The following MAP3K6 variants were observed in gnomAD, a reference collection of about 807,000 sequenced individuals.
MAP3K6 encodes mitogen-activated protein kinase kinase kinase 6, also known as apoptosis signal-regulating kinase 2.
In MAP3K6, 105 loss-of-function variants were observed where a neutral mutation model predicts 147.1. The ratio of observed to expected loss-of-function variants is 0.71; its 90% confidence interval spans 0.61 to 0.84. The LOEUF (loss-of-function observed/expected upper bound fraction) is 0.84, where lower values mean the gene tolerates loss of function less well. Ranked by LOEUF, MAP3K6 falls within the 40% of genes least tolerant of loss-of-function variation. MAP3K6 has a pLI of 0.00. For synonymous variants in MAP3K6, 695 were observed against 732.4 expected (o/e 0.95, Z 0.82); for missense variants, 1,569 against 1,715.0 (o/e 0.91, Z 1.50).
Position 27,364,849 on chromosome 1 carries a change from A to C in MAP3K6, c.404T>G (p.Val135Gly). The stretch of plus-strand genomic sequence containing the variant: ...GTTGGTCATGCTGAAGCTCTCACGC[A>C]CACCAAGGTGGTAGAACAGGGAGGG... ...VQPSLFYHLG[V>G]RESFSMTNNV... The change falls in exon 2 of 29, where the codon GTG becomes GGG. Residue 135 changes from valine to glycine, a missense_variant. Physicochemically the swap from Val to Gly is moderately radical, Grantham distance 109 (BLOSUM62 -3). Coordinates refer to ENST00000357582, the MANE Select transcript of MAP3K6 (RefSeq NM_004672.5). This position sits in a 1 kb window ranked among gnomAD's most constrained non-coding sequence, Gnocchi z 4.4. 1 of 1,612,574 alleles carries C rather than the reference A, an allele frequency of 6.2e-7. No homozygotes were observed. The highest frequency in any genetic ancestry group is 8.5e-7 in the Non-Finnish European group (1 of 1,178,854).
rs1450558439 is a variant in MAP3K6, at chr1:27,355,385, C to G, written c.*6G>C. On this transcript the variant is annotated 3_prime_UTR_variant, in exon 29 of 29. Coordinates refer to ENST00000357582, the MANE Select transcript of MAP3K6 (RefSeq NM_004672.5). ...CTGTCTGGCCTATGATGCCCTCATT[C>G]AGCTCTCAGGGTCCAGAGGTGACTG... The G allele has an allele frequency of 7.4e-6, 12 of 1,613,756 alleles. No individual in the cohort carries two copies. Among genetic ancestry groups the G allele is most frequent in the Non-Finnish European group, 8.5e-6 (10 of 1,179,632 alleles).
chr1:27,363,009 A>G lies in MAP3K6; in HGVS notation c.984T>C (p.Pro328=), dbSNP rs774702964. The G allele has an allele frequency of 5.4e-5, 87 of 1,613,334 alleles. No individual in the cohort carries two copies. The highest frequency in any genetic ancestry group is 7.1e-5 in the Non-Finnish European group (84 of 1,179,828). The change falls in exon 7 of 29, where the codon CCT becomes CCC. Residue 328 remains proline, a synonymous_variant. Coordinates refer to ENST00000357582, the MANE Select transcript of MAP3K6 (RefSeq NM_004672.5). ...CAGACAGGGCCTTCGCCCGGTCCCC[A>G]GGCCTGTTCCTCCTAGGGAAAAGAT... ...YTFALNRRNR[P]GDRAKALSVL...
Position 27,356,094 on chromosome 1 carries a change from G to C in MAP3K6, c.3643C>G (p.Leu1215Val). Residue 1215 changes from leucine to valine, a missense_variant, in exon 27 of 29, where the codon CTT becomes GTT. Coordinates refer to ENST00000357582, the MANE Select transcript of MAP3K6 (RefSeq NM_004672.5). ...TGCACCAGGCCCTGGTCCGTTGAAA[G>C]AGCAGCTGTCAAGAAGCAGTCAGGT... is the stretch of plus-strand genomic sequence containing the variant. ...YVLAPEPPTA[L>V]STDQGLVQWL... 6.2e-7 allele frequency: 1 copy of C among 1,613,938 alleles called. No individual in the cohort carries two copies. The highest frequency in any genetic ancestry group is 1.1e-5 in the South Asian group (1 of 91,074).
At chr1:27,365,943 C>T (rs1173886228) in intron 1 of MAP3K6, among the ~76,000 whole-genome samples, 1 of 151,904 alleles carries the variant, frequency 6.6e-6, no homozygotes, top group Non-Finnish European at 1.5e-5. Context: ...CCGCCCCGCC[C>T]CAGAGTTCCA....
At position 27,360,001 on chromosome 1, in the gene MAP3K6, G is replaced by T; in HGVS notation, c.2183-7C>A. 4 of 1,613,874 alleles carry T rather than the reference G, an allele frequency of 2.5e-6. No individual in the cohort carries two copies. The highest frequency in any genetic ancestry group is 3.4e-6 in the Non-Finnish European group (4 of 1,179,946). ...AGCAAGGAGGACAGGCTGCCTGGGT[G>T]GGGACAGTCCAAGTTCATTCTTCCC... On this transcript the variant is annotated splice_polypyrimidine_tract_variant and splice_region_variant and intron_variant, in intron 16 of 28. Transcript: ENST00000357582. This position sits in a 1 kb window ranked among gnomAD's most constrained non-coding sequence, Gnocchi z 4.5.
Position 27,360,488 on chromosome 1 carries a change from C to G in MAP3K6, c.2055-120G>C. 9.8e-7 allele frequency: 1 copy of G among 1,022,686 alleles called. No homozygotes were observed. The highest frequency in any genetic ancestry group is 1.3e-6 in the Non-Finnish European group (1 of 767,836). 63.4% of individuals were successfully genotyped at this position (1,022,686 alleles called of 1,614,324 possible). The stretch of plus-strand genomic sequence containing the variant: ...CCGCCCACAAGCCCTCTCCGACCTT[C>G]CCCACCCTTACTACCCTGCCCACAG... On this transcript the variant is annotated intron_variant, in intron 15 of 28. Transcript: ENST00000357582. The surrounding 1 kb of genome is among the most constrained non-coding windows in gnomAD (Gnocchi z 4.5).
chr1:27,361,026 C>G lies in MAP3K6; in HGVS notation c.1833-18G>C, dbSNP rs2015741221. On this transcript the variant is annotated intron_variant, in intron 13 of 28. Coordinates refer to ENST00000357582, the MANE Select transcript of MAP3K6 (RefSeq NM_004672.5). ...CGCAGAACCTGAAGGTGGGGGAGGT[C>G]AGACCCGCGGGAGGGGCATCTTGGT... 1 of 1,562,028 alleles carries G rather than the reference C, an allele frequency of 6.4e-7. No individual in the cohort carries two copies. Among genetic ancestry groups the G allele is most frequent in the African/African-American group, 1.4e-5 (1 of 73,508 alleles).
rs896787004 is a variant in MAP3K6 at position 27,366,156 on chromosome 1, G to C, written c.340+102C>G. ...AGCTCACTTTAAGTCCCCTAGACCC[G>C]GTACCCCTCTCGGCCCCTCCCTTGA... On this transcript the variant is annotated intron_variant, in intron 1 of 28. Transcript: ENST00000357582. This position sits in a 1 kb window ranked among gnomAD's most constrained non-coding sequence, Gnocchi z 5.5. 6 of 1,167,172 alleles carry C rather than the reference G, an allele frequency of 5.1e-6. No individual in the cohort carries two copies. The South Asian group carries it at 1.4e-4, about 28-fold the overall frequency. The allele number at this position is 1,167,172 out of a possible 1,614,324, so 72.3% of individuals were successfully genotyped here.
At chr1:27,363,805 TG>T in intron 5 of MAP3K6, 111 bp downstream of exon 5, 1 of 1,065,616 alleles carries the variant, frequency 9.4e-7, no homozygotes, top group Non-Finnish European at 1.3e-6. Context: ...TCAGAGACAT[TG>T]GATAATTTGC....
Position 27,359,710 on chromosome 1 carries a change from C to G in MAP3K6, c.2319+148G>C. The G allele has an allele frequency of 7.2e-7, 1 of 1,392,590 alleles. No homozygotes were observed. Among genetic ancestry groups the G allele is most frequent in the Non-Finnish European group, 9.8e-7 (1 of 1,022,984 alleles). 86.3% of individuals were successfully genotyped at this position (1,392,590 alleles called of 1,614,324 possible). On this transcript the variant is annotated intron_variant, in intron 17 of 28. Transcript: ENST00000357582. The surrounding 1 kb of genome is among the most constrained non-coding windows in gnomAD (Gnocchi z 4.4). ...TTTGGCTTCAGAGCTGAACCTTTCC[C>G]CTCCTTCTCTAAGGAGCCTCCCTGA...
rs1435241694 is a variant in MAP3K6, at chr1:27,361,336, C to T, written c.1736+10G>A. 4.3e-6 allele frequency: 7 copies of T among 1,613,938 alleles called. No individual in the cohort carries two copies. The highest frequency in any genetic ancestry group is 2.2e-5 in the East Asian group (1 of 44,864). Reference sequence around the variant, plus strand: ...CCGTCTTTCCAGTCACCCCAGGTCCCGCCTATCACCTGACTCCGCATATGG... The same window carrying T: ...CCGTCTTTCCAGTCACCCCAGGTCCTGCCTATCACCTGACTCCGCATATGG... On this transcript the variant is annotated intron_variant, in intron 12 of 28. Transcript: ENST00000357582.
At position 27,358,928 on chromosome 1, in the gene MAP3K6, G is replaced by A; in HGVS notation, c.2426-62C>T. Reference sequence around the variant, plus strand: ...CTTCATCATGGGGTTGGAGCAGGGAGGGGAATGCCGTCATCCTCAGGCCGA... The same window carrying A: ...CTTCATCATGGGGTTGGAGCAGGGAAGGGAATGCCGTCATCCTCAGGCCGA... On this transcript the variant is annotated intron_variant, in intron 18 of 28. Transcript: ENST00000357582. This position sits in a 1 kb window ranked among gnomAD's most constrained non-coding sequence, Gnocchi z 6.2. The A allele has an allele frequency of 6.7e-7, 1 of 1,497,608 alleles. No homozygotes were observed. The highest frequency in any genetic ancestry group is 1.3e-5 in the South Asian group (1 of 75,496). The allele number at this position is 1,497,608 out of a possible 1,614,324, so 92.8% of individuals were successfully genotyped here. A position where few individuals can be genotyped will look rare whatever the true frequency, so the allele number is the denominator to read the frequency against.
At position 27,359,444 on chromosome 1, in the gene MAP3K6, T is replaced by C. The variant is rs371902231; in HGVS notation, c.2398A>G (p.Ile800Val). 1 of 1,614,150 alleles carries C rather than the reference T, an allele frequency of 6.2e-7. No homozygotes were observed. The highest frequency in any genetic ancestry group is 8.5e-7 in the Non-Finnish European group (1 of 1,180,014). ...DFGTSKRLAG[I>V]TPCTETFTGT... ...GTGAAGGTCTCAGTGCAAGGTGTGA[T>C]GCCTGCCAGCCGCTTGGAGGTGCCG... The change falls in exon 18 of 29, where the codon ATC becomes GTC. Residue 800 changes from isoleucine (I) to valine (V), a missense_variant. Physicochemically the swap from Ile to Val is conservative, Grantham distance 29 (BLOSUM62 3). Transcript: ENST00000357582. This position sits in a 1 kb window ranked among gnomAD's most constrained non-coding sequence, Gnocchi z 4.4.
At chr1:27,356,352 C>G in intron 26 of MAP3K6, 36 bp downstream of exon 26, 1 of 1,553,096 alleles carries the variant, frequency 6.4e-7, no homozygotes, top group Non-Finnish European at 8.7e-7. Context: ...CTGCCTTGAA[C>G]CCACCAATAA....
Sources: allele counts gnomAD v4.1 joint callset (sites outside exome capture counted in the v4.1 genomes callset), GRCh38; gene constraint gnomAD v4.1.1; non-coding constraint Gnocchi (gnomAD v3.1); transcripts MANE v1.5; gene names NCBI Gene and HGNC (gene_info 2026-07-23, HGNC 2026-07-21).